Variants in IQGAP2 observed in about 807,000 individuals in gnomAD.
IQGAP2 encodes the protein ras GTPase-activating-like protein IQGAP2.
IQGAP2 carries 173 observed loss-of-function variants against 201.3 expected under a neutral mutation model. That is an observed-to-expected ratio of 0.86 (90% CI 0.76 to 0.98). IQGAP2 has a LOEUF of 0.98. Ranked by LOEUF, IQGAP2 falls within the 50% of genes least tolerant of loss-of-function variation. The pLI is 0.00. For missense variants in IQGAP2, 1,687 were observed against 1,864.8 expected, an observed-to-expected ratio of 0.90 and a Z score of 1.76; for synonymous variants, 675 against 673.9, an observed-to-expected ratio of 1.00 and a Z score of -0.03.
intron 2 of IQGAP2, among the ~76,000 whole-genome samples, chr5:76,518,394 G>C (rs1758465792): frequency 6.6e-6 from 1 of 152,176 alleles, no homozygotes; most frequent in South Asian, 2.1e-4. Context: ...TTGTGCAGGA[G>C]AACTCCTCTT....
intron 2 of IQGAP2, among the ~76,000 whole-genome samples, chr5:76,463,580 A>C (rs1364772864): frequency 6.6e-6 from 1 of 152,200 alleles, no homozygotes; most frequent in Admixed American, 6.5e-5. Context: ...AGTATATTGA[A>C]ATGGTATAAA....
rs148082215 is a variant in IQGAP2, at chr5:76,671,842, G to A, written c.2927G>A (p.Arg976Gln). ...GTCGTCAGCTTCAATAGAGGTGCCC[G>A]GGGACAGAACACCCTGCGCCAACTC... ...KMVVSFNRGA[R>Q]GQNTLRQLLA... The change falls in exon 24 of 36, where the codon CGG (arginine) becomes CAG (glutamine). Residue 976 changes from arginine to glutamine, a missense_variant. By Grantham distance (43) the Arg-to-Gln change is conservative. Transcript: ENST00000274364. 2.7e-5 allele frequency: 43 copies of A among 1,613,968 alleles called. No homozygotes were observed. Among genetic ancestry groups the A allele is most frequent in the East Asian group, 1.8e-4 (8 of 44,884 alleles).
intron 27 of IQGAP2, among the ~76,000 whole-genome samples, chr5:76,676,112 C>T (rs978928099): frequency 6.7e-6 from 1 of 150,240 alleles, no homozygotes; most frequent in Non-Finnish European, 1.5e-5. Context: ...CACACACACA[C>T]ACACACACAC....
At chr5:76,672,604 G>C (rs1368869113) in intron 24 of IQGAP2, among the ~76,000 whole-genome samples, 1 of 152,064 alleles carries the variant, frequency 6.6e-6, no homozygotes, top group Non-Finnish European at 1.5e-5. Flanking sequence ...TACATTTGTT[G>C]GCACAGAAAA....
intron 5 of IQGAP2, among the ~76,000 whole-genome samples, chr5:76,577,704 G>T (rs183338857): frequency 6.6e-6 from 1 of 152,120 alleles, no homozygotes; most frequent in Admixed American, 6.5e-5. Context: ...ATTCTGCTTT[G>T]TTGTGCAAGA....
chr5:76,656,283 C>T (rs558724644), intron 20 of IQGAP2, among the ~76,000 whole-genome samples: 3 of 151,856 alleles, frequency 2.0e-5, no homozygotes, highest in East Asian at 1.9e-4. Context: ...ACTGCAGTGG[C>T]GCTATCTCCT....
chr5:76,531,081 T>G (rs1298996382), intron 2 of IQGAP2, among the ~76,000 whole-genome samples: 4 of 152,054 alleles, frequency 2.6e-5, no homozygotes, highest in Non-Finnish European at 5.9e-5. Context: ...GAACAGAAAT[T>G]TATTTCTTTC....
chr5:76,562,768 G>A (rs1163629412), intron 3 of IQGAP2, among the ~76,000 whole-genome samples: 1 of 152,074 alleles, frequency 6.6e-6, no homozygotes, highest in Non-Finnish European at 1.5e-5. Context: ...TGACTTATGG[G>A]GCTTCCCAAT....
At chr5:76,440,393 AT>A (rs1580194972) in intron 1 of IQGAP2, among the ~76,000 whole-genome samples, 1 of 152,114 alleles carries the variant, frequency 6.6e-6, no homozygotes, top group African/African-American at 2.4e-5. Context: ...ATAATTATAT[AT>A]TTTTAAAAGT....
At chr5:76,695,269 G>A (rs1025791450) in intron 31 of IQGAP2, among the ~76,000 whole-genome samples, 185 bp from the exon 32 acceptor site, 3 of 152,132 alleles carry the variant, frequency 2.0e-5, no homozygotes, top group Non-Finnish European at 2.9e-5. Flanking sequence ...GCTTGCTATC[G>A]AAAAGATGAA....
chr5:76,491,875 T>C (rs1191848005), intron 2 of IQGAP2, among the ~76,000 whole-genome samples: 1 of 152,168 alleles, frequency 6.6e-6, no homozygotes, highest in Non-Finnish European at 1.5e-5. Context: ...GAGTTGTACC[T>C]TCATCTCCAG....
intron 30 of IQGAP2, among the ~76,000 whole-genome samples, chr5:76,685,766 G>T (rs975015613): frequency 5.3e-5 from 8 of 152,010 alleles, no homozygotes; most frequent in African/African-American, 1.4e-4. Context: ...GCCAGCAGTG[G>T]GTTTATTTTT....
chr5:76,519,729 G>C (rs1204632350), intron 2 of IQGAP2, among the ~76,000 whole-genome samples: 1 of 152,166 alleles, frequency 6.6e-6, no homozygotes, highest in Non-Finnish European at 1.5e-5. Flanking sequence ...CATTCTAACA[G>C]ATATGTGGTA....
intron 2 of IQGAP2, among the ~76,000 whole-genome samples, chr5:76,501,858 G>A (rs184096669): frequency 2.5e-3 from 373 of 151,894 alleles, no homozygotes; most frequent in Non-Finnish European, 4.2e-3. Flanking sequence ...GGTCCGGGTG[G>A]TCTCGAACTC....
intron 27 of IQGAP2, 88 bp downstream of exon 27, chr5:76,674,797 G>A: frequency 1.1e-6 from 1 of 941,304 alleles, no homozygotes; most frequent in Non-Finnish European, 1.7e-6. Flanking sequence ...GAGTGGGCAT[G>A]GAGGACAGGA....
At chr5:76,668,633 A>C in intron 22 of IQGAP2, 48 bp from the exon 23 acceptor site, 1 of 1,464,670 alleles carries the variant, frequency 6.8e-7, no homozygotes, top group Non-Finnish European at 9.4e-7. Context: ...ATATTAACTT[A>C]TTGTTTTGTG....
Position 76,627,482 on chromosome 5 carries a change from A to G in IQGAP2, c.1594A>G (p.Lys532Glu), listed in dbSNP as rs2909888. 1 allele frequency: 1,585,263 copies of G among 1,585,868 alleles called. 792,329 individuals are homozygous for G. The highest frequency in any genetic ancestry group is 1 in the Middle Eastern group (6,020 of 6,020). The change falls in exon 14 of 36, where the codon AAG becomes GAG. Residue 532 changes from lysine (K) to glutamate (E), a missense_variant. Coordinates refer to ENST00000274364, the MANE Select transcript of IQGAP2 (RefSeq NM_006633.5). ...AGCCGTCGATGATGCCAACGTGGAC[A>G]AGGACAGAGCAAAACAATGTAAGCC... ...QQAVDDANVD[K>E]DRAKQWVTLV... is the part of the protein sequence containing the mutation.
chr5:76,609,134 T>C (rs1246677735), intron 12 of IQGAP2: 6 of 1,535,770 alleles, frequency 3.9e-6, no homozygotes, highest in South Asian at 1.2e-5. Flanking sequence ...ACAGCAACTT[T>C]AGCAGGTGAT....
At chr5:76,440,607 A>G (rs953406379) in intron 1 of IQGAP2, among the ~76,000 whole-genome samples, 2 of 152,132 alleles carry the variant, frequency 1.3e-5, no homozygotes, top group Non-Finnish European at 2.9e-5. Context: ...ACCTCAGTGC[A>G]TCCTGGGTGT....
Sources: allele counts gnomAD v4.1 joint callset (sites outside exome capture counted in the v4.1 genomes callset), GRCh38; gene constraint gnomAD v4.1.1; transcripts MANE v1.5; gene names NCBI Gene and HGNC (gene_info 2026-07-23, HGNC 2026-07-21).